LRRC72: variants seen among roughly 807,000 people sequenced by gnomAD.
LRRC72 encodes the protein leucine-rich repeat-containing protein 72.
LRRC72 carries 41 observed loss-of-function variants against 35.8 expected under a neutral mutation model. The ratio of observed to expected loss-of-function variants is 1.15; its 90% confidence interval spans 0.89 to 1.49. The LOEUF is 1.49. Among genes scored for constraint, LRRC72 ranks in the 40% most tolerant of loss-of-function variants. The pLI, the probability that LRRC72 is intolerant of heterozygous loss-of-function variation, is 0.00. For synonymous variants in LRRC72, 118 were observed against 119.2 expected (o/e 0.99, Z 0.07); for missense variants, 389 against 330.7 (o/e 1.18, Z -1.37).
chr7:16,568,318 C>A (rs1387609035), intron 7 of LRRC72, among the ~76,000 whole-genome samples: 2 of 152,118 alleles, frequency 1.3e-5, no homozygotes, highest in Non-Finnish European at 2.9e-5. Flanking sequence ...AAGGTAAAAT[C>A]CTTTTCTTTA....
chr7:16,557,561 G>T (rs1782672695), intron 4 of LRRC72, 120 bp downstream of exon 4: 2 of 350,948 alleles, frequency 5.7e-6, no homozygotes, highest in Admixed American at 4.8e-5. Context: ...AATATATTAA[G>T]AAATGTATTT....
At chr7:16,531,176 C>G (rs1782155008) in intron 1 of LRRC72, among the ~76,000 whole-genome samples, 1 of 147,948 alleles carries the variant, frequency 6.8e-6, no homozygotes. Context: ...GAGCAAAACT[C>G]TCTCAAAAAA....
intron 3 of LRRC72, among the ~76,000 whole-genome samples, chr7:16,549,681 A>C (rs2128336326): frequency 6.6e-6 from 1 of 152,272 alleles, no homozygotes; most frequent in Non-Finnish European, 1.5e-5. Context: ...TCATGAATCC[A>C]TGCCCTCCCT....
In LRRC72 at chr7:16,578,645, A is replaced by T. The variant is rs550975637; in HGVS notation, c.671-1429A>T. Among the ~76,000 whole-genome samples, 29 of 152,362 alleles carry T rather than the reference A, an allele frequency of 1.9e-4. No individual in the cohort carries two copies. In the South Asian group the frequency reaches 6.0e-3, roughly 32 times the overall value. ...TACACGTGTGACATATAGGCTGGAA[A>T]CATACATACAAAACTTTTAATAGTG... On this transcript the variant is annotated intron_variant, in intron 7 of 8. Transcript: ENST00000401542.
At chr7:16,534,515 A>G (rs1289062423) in intron 2 of LRRC72, among the ~76,000 whole-genome samples, 1 of 152,234 alleles carries the variant, frequency 6.6e-6, no homozygotes, top group Non-Finnish European at 1.5e-5. Context: ...TTCAACATTG[A>G]TATTACTGCT....
At position 16,532,491 on chromosome 7, in the gene LRRC72, T is replaced by C. The variant is rs1271450635; in HGVS notation, c.91-4T>C. ...AGTTTGACAGATTAATTATATGTTA[T>C]CAGGCAGTTGAAGATCAGCTAAAGA... On this transcript the variant is annotated splice_polypyrimidine_tract_variant and splice_region_variant and intron_variant, in intron 1 of 8. Transcript: ENST00000401542. 4.5e-6 allele frequency: 7 copies of C among 1,547,204 alleles called. No individual in the cohort carries two copies. The Admixed American group carries it at 1.4e-4, about 30-fold the overall frequency.
chr7:16,547,679 G>T (rs1195035073), intron 3 of LRRC72, among the ~76,000 whole-genome samples: 1 of 152,212 alleles, frequency 6.6e-6, no homozygotes, highest in East Asian at 1.9e-4. Context: ...CCTGGCTGGG[G>T]GTACACACAC....
rs148826424 is a variant in LRRC72 at position 16,568,914 on chromosome 7, A to G, written c.670+1371A>G. On this transcript the variant is annotated intron_variant, in intron 7 of 8. Coordinates refer to ENST00000401542, the MANE Select transcript of LRRC72 (RefSeq NM_001195280.2). Reference sequence around the variant, plus strand: ...ATGGCCAACCAAGAATTTTATAACCAACTCAATTATTATTCAAGAATGAGC... The same window carrying G: ...ATGGCCAACCAAGAATTTTATAACCGACTCAATTATTATTCAAGAATGAGC... 1.1e-3 allele frequency among the ~76,000 whole-genome samples: 164 copies of G among 152,360 alleles called. 2 individuals carry two copies. The highest frequency in any genetic ancestry group is 9.1e-3 in the East Asian group (47 of 5,188).
rs183135775 is a variant in LRRC72, at chr7:16,576,591, T to A, written c.671-3483T>A. ...TTTTCATTACTGTCTCTGGGTTTTA[T>A]TGCATGATAGCCAATATTCTCAGAA... On this transcript the variant is annotated intron_variant, in intron 7 of 8. Transcript: ENST00000401542. 4.5e-3 allele frequency among the ~76,000 whole-genome samples: 684 copies of A among 152,336 alleles called. 2 individuals are homozygous for A. Among genetic ancestry groups the A allele is most frequent in the African/African-American group, 0.015 (620 of 41,576 alleles).
intron 1 of LRRC72, among the ~76,000 whole-genome samples, chr7:16,527,332 C>T (rs903213436): frequency 2.6e-5 from 4 of 152,110 alleles, no homozygotes; most frequent in Non-Finnish European, 4.4e-5. Flanking sequence ...CTTCCCAGTC[C>T]ACACCAGTAG....
At chr7:16,537,067 G>A (rs1583636142) in intron 2 of LRRC72, 2 of 152,300 alleles carry the variant, frequency 1.3e-5, no homozygotes, top group Admixed American at 6.5e-5. Context: ...TGGATAGGTG[G>A]AATCTCACAC....
chr7:16,571,999 G>A lies in LRRC72; in HGVS notation c.670+4456G>A, dbSNP rs972697648. On this transcript the variant is annotated intron_variant, in intron 7 of 8. Coordinates refer to ENST00000401542, the MANE Select transcript of LRRC72 (RefSeq NM_001195280.2). ...TCTGAAGTCGACCTGGGTCGCCCGAGCTTGGTGGGGGGAGGGGCATCTGCC... is the reference window on the plus strand; with the variant it reads ...TCTGAAGTCGACCTGGGTCGCCCGAACTTGGTGGGGGGAGGGGCATCTGCC... Among the ~76,000 whole-genome samples the A allele has an allele frequency of 1.2e-4, 18 of 152,316 alleles. No homozygotes were observed. In the East Asian group the frequency reaches 3.5e-3, roughly 29 times the overall value.
Position 16,557,426 on chromosome 7 carries a change from A to G in LRRC72, c.301A>G (p.Ile101Val). 3.9e-6 allele frequency: 5 copies of G among 1,269,730 alleles called. No homozygotes were observed. The highest frequency in any genetic ancestry group is 5.2e-6 in the Non-Finnish European group (5 of 966,382). The allele number at this position is 1,269,730 out of a possible 1,614,324, so 78.7% of individuals were successfully genotyped here. A position where few individuals can be genotyped will look rare whatever the true frequency, so the allele number is the denominator to read the frequency against. The change falls in exon 4 of 9, where the codon ATA becomes GTA. Residue 101 changes from isoleucine (I) to valine (V), a missense_variant. Physicochemically the swap from Ile to Val is conservative, Grantham distance 29. Coordinates refer to ENST00000401542, the MANE Select transcript of LRRC72 (RefSeq NM_001195280.2). ...LTELYLNNNA[I>V]FEIEGLHYLP... ...AGAACTATATCTAAACAACAATGCA[A>G]TATTTGAGATAGAAGGTACGTCTTA...
chr7:16,581,404 G>A lies in LRRC72; in HGVS notation c.779G>A (p.Trp260Ter), dbSNP rs773157443. Residue 260 changes from tryptophan (W) to a stop codon, truncating the protein, a stop_gained, in exon 9 of 9, where the codon TGG (tryptophan) becomes TAG (stop). Coordinates refer to ENST00000401542, the MANE Select transcript of LRRC72 (RefSeq NM_001195280.2). LOFTEE classifies it high-confidence loss of function. ...RSVMTLTSMN[W>*]DTVPTREERY... Reference sequence around the variant, plus strand: ...GTGATGACTTTGACCTCTATGAACTGGGACACAGTTCCAACACGAGAGGAA... The same window carrying A: ...GTGATGACTTTGACCTCTATGAACTAGGACACAGTTCCAACACGAGAGGAA... 2.1e-5 allele frequency: 33 copies of A among 1,549,890 alleles called. No homozygotes were observed. The highest frequency in any genetic ancestry group is 2.4e-5 in the Non-Finnish European group (28 of 1,146,704).
Position 16,566,309 on chromosome 7 carries a change from G to T in LRRC72, c.428-4G>T, listed in dbSNP as rs1424342375. 4 of 1,507,374 alleles carry T rather than the reference G, an allele frequency of 2.7e-6. No individual in the cohort carries two copies. The highest frequency in any genetic ancestry group is 3.6e-6 in the Non-Finnish European group (4 of 1,125,168). The allele number at this position is 1,507,374 out of a possible 1,614,324, so 93.4% of individuals were successfully genotyped here. ...CATTTTTATTTTGGATTCTTCATTT[G>T]CAGGTCTATACCAAAATCCTTTGTG... On this transcript the variant is annotated splice_region_variant and splice_polypyrimidine_tract_variant and intron_variant, in intron 5 of 8. Transcript: ENST00000401542.
intron 3 of LRRC72, among the ~76,000 whole-genome samples, chr7:16,553,864 T>A (rs1450136451): frequency 6.6e-6 from 1 of 152,140 alleles, no homozygotes; most frequent in Non-Finnish European, 1.5e-5. Flanking sequence ...ATATAAAAGC[T>A]CCCAGCTCCA....
intron 3 of LRRC72, among the ~76,000 whole-genome samples, chr7:16,551,875 G>C (rs1234507507): frequency 6.6e-6 from 1 of 152,188 alleles, no homozygotes; most frequent in Non-Finnish European, 1.5e-5. Flanking sequence ...ACAGCCAGTT[G>C]GTCAGAAGCA....
At chr7:16,552,882 T>C (rs1215048373) in intron 3 of LRRC72, among the ~76,000 whole-genome samples, 1 of 152,108 alleles carries the variant, frequency 6.6e-6, no homozygotes, top group Non-Finnish European at 1.5e-5. Context: ...CAAGCCTGGG[T>C]CAAAGCCTAC....
chr7:16,531,787 GA>G (rs946827054), intron 1 of LRRC72, among the ~76,000 whole-genome samples: 9 of 151,752 alleles, frequency 5.9e-5, no homozygotes, highest in East Asian at 1.9e-4. Context: ...AGGACTTTAA[GA>G]AAAAAAAGTA....
Sources: allele counts gnomAD v4.1 joint callset (sites outside exome capture counted in the v4.1 genomes callset), GRCh38; gene constraint gnomAD v4.1.1; transcripts MANE v1.5; gene names NCBI Gene and HGNC (gene_info 2026-07-23, HGNC 2026-07-21).